The following RTF2 variants were observed in gnomAD, a reference collection of about 807,000 sequenced individuals.
The protein encoded by RTF2 is UPF0549 protein C20orf43.
Under a neutral mutation model 38.0 loss-of-function variants are expected in RTF2, and 18 were observed. The observed-to-expected ratio is 0.47, with a 90% CI of 0.33 to 0.70. The LOEUF (loss-of-function observed/expected upper bound fraction) is 0.70, where lower values mean the gene tolerates loss of function less well. RTF2 is among the 30% of genes least tolerant of loss of function. The probability of loss-of-function intolerance (pLI) is 0.02; values close to 1 mark genes in which losing one functional copy is unlikely to be tolerated. For synonymous variants in RTF2, 126 were observed against 137.1 expected (o/e 0.92, Z 0.57); for missense variants, 311 against 379.6 (o/e 0.82, Z 1.50).
chr20:56,510,500 G>A (rs547569218), intron 5 of RTF2, among the ~76,000 whole-genome samples: 3 of 152,200 alleles, frequency 2.0e-5, no homozygotes, highest in Non-Finnish European at 4.4e-5. Context: ...CCTCAGGCAG[G>A]GGAAGACAGA....
chr20:56,506,648 T>G (rs1265399182), intron 5 of RTF2, among the ~76,000 whole-genome samples: 6 of 152,216 alleles, frequency 3.9e-5, no homozygotes, highest in Non-Finnish European at 5.9e-5. Context: ...TGATAAGCAT[T>G]TTCTACATTG....
intron 5 of RTF2, among the ~76,000 whole-genome samples, chr20:56,496,437 A>G (rs1345310961): frequency 6.6e-6 from 1 of 152,184 alleles, no homozygotes; most frequent in Non-Finnish European, 1.5e-5. Context: ...AATCCCAGCT[A>G]CTGGGGAGGC....
At chr20:56,488,412 G>T (rs2146332255) in intron 5 of RTF2, among the ~76,000 whole-genome samples, 1 of 151,234 alleles carries the variant, frequency 6.6e-6, no homozygotes, top group Admixed American at 6.6e-5. Context: ...CGTAGCATTG[G>T]ACTTGCTACC....
At chr20:56,472,819 G>A (rs971672138) in intron 1 of RTF2, among the ~76,000 whole-genome samples, 8 of 152,138 alleles carry the variant, frequency 5.3e-5, no homozygotes, top group South Asian at 2.1e-4. Context: ...TTTATTTGAT[G>A]TAGTATTAAT....
chr20:56,498,081 T>G (rs1983675699), intron 5 of RTF2, among the ~76,000 whole-genome samples: 1 of 143,852 alleles, frequency 7.0e-6, no homozygotes, highest in Admixed American at 7.3e-5. Flanking sequence ...CTAATGATGT[T>G]GAGCATATTT....
chr20:56,518,264 G>A lies in RTF2; in HGVS notation c.920G>A (p.Ter307=). The change falls in exon 9 of 9, where the codon TGA becomes TAA. Residue 307 remains the stop codon, a stop_retained_variant. Coordinates refer to ENST00000357348, the MANE Select transcript of RTF2 (RefSeq NM_016407.5). ...HWVTHTSYCF[*] Reference sequence around the variant, plus strand: ...GTCACCCACACGTCCTACTGCTTCTGAAGCCCGCACTGCCACCGCTCCTGC... The same window carrying A: ...GTCACCCACACGTCCTACTGCTTCTAAAGCCCGCACTGCCACCGCTCCTGC... The A allele has an allele frequency of 6.2e-7, 1 of 1,610,434 alleles. No homozygotes were observed. Among genetic ancestry groups the A allele is most frequent in the South Asian group, 1.1e-5 (1 of 90,506 alleles).
intron 4 of RTF2, 75 bp downstream of exon 4, chr20:56,477,199 A>T: frequency 6.4e-7 from 1 of 1,553,372 alleles, no homozygotes; most frequent in Non-Finnish European, 8.8e-7. Flanking sequence ...GTGGTGCCGG[A>T]GCTTAGCAGT....
intron 1 of RTF2, among the ~76,000 whole-genome samples, chr20:56,470,170 G>A (rs139973154): frequency 0.013 from 1,976 of 152,282 alleles, 56 homozygotes; most frequent in African/African-American, 0.045. Context: ...CTGATCATAC[G>A]TACATGTAAA....
intron 4 of RTF2, among the ~76,000 whole-genome samples, chr20:56,482,146 A>G (rs186335795): frequency 1.4e-4 from 22 of 152,268 alleles, no homozygotes; most frequent in Admixed American, 1.4e-3. Flanking sequence ...TCCACACTTG[A>G]AATTGATGAT....
chr20:56,513,459 C>G (rs780190827), intron 6 of RTF2, 31 bp downstream of exon 6: 2 of 1,556,972 alleles, frequency 1.3e-6, no homozygotes, highest in African/African-American at 1.4e-5. Flanking sequence ...CCGCCCAGCC[C>G]CCATCTCTGC....
intron 4 of RTF2, among the ~76,000 whole-genome samples, chr20:56,483,368 G>T (rs1982622810): frequency 6.7e-6 from 1 of 150,234 alleles, no homozygotes; most frequent in African/African-American, 2.5e-5. Context: ...AGCGACAAGC[G>T]ACAGAATCTG....
intron 3 of RTF2, among the ~76,000 whole-genome samples, 177 bp downstream of exon 3, chr20:56,474,948 A>G (rs1478261774): frequency 3.3e-5 from 5 of 152,242 alleles, no homozygotes; most frequent in African/African-American, 7.2e-5. Context: ...GAGTTCCACC[A>G]TGCATACTTC....
intron 5 of RTF2, among the ~76,000 whole-genome samples, chr20:56,488,816 C>T (rs1381541872): frequency 1.3e-5 from 2 of 152,248 alleles, no homozygotes; most frequent in African/African-American, 4.8e-5. Context: ...TGTTCTCATG[C>T]TCACGGAAGC....
At chr20:56,495,143 G>A in intron 5 of RTF2, 1 of 1,223,780 alleles carries the variant, frequency 8.2e-7, no homozygotes. Flanking sequence ...TGAGGCAGCA[G>A]TTTTATAGTT....
At chr20:56,479,772 G>A (rs947581112) in intron 4 of RTF2, among the ~76,000 whole-genome samples, 6 of 151,770 alleles carry the variant, frequency 4.0e-5, no homozygotes, top group Non-Finnish European at 5.9e-5. Flanking sequence ...GAGCTCTTGC[G>A]TGACCTAGGT....
intron 5 of RTF2, among the ~76,000 whole-genome samples, chr20:56,502,943 G>A (rs1018240498): frequency 2.0e-5 from 3 of 152,192 alleles, no homozygotes; most frequent in Admixed American, 1.3e-4. Context: ...TCTTGACTGC[G>A]GATGTGGTGT....
chr20:56,485,816 A>T (rs2146329368), intron 5 of RTF2, among the ~76,000 whole-genome samples: 1 of 152,356 alleles, frequency 6.6e-6, no homozygotes, highest in East Asian at 1.9e-4. Flanking sequence ...TGGTTCCTGC[A>T]CTCACGGAGA....
chr20:56,507,587 A>C (rs983553142), intron 5 of RTF2, among the ~76,000 whole-genome samples: 2 of 152,238 alleles, frequency 1.3e-5, no homozygotes, highest in African/African-American at 4.8e-5. Flanking sequence ...ATGCAGAATA[A>C]GGTCCATGTC....
At chr20:56,502,279 G>A (rs762541649) in intron 5 of RTF2, among the ~76,000 whole-genome samples, 1 of 152,154 alleles carries the variant, frequency 6.6e-6, no homozygotes, top group East Asian at 1.9e-4. Flanking sequence ...TACATTTTAT[G>A]TTTTTGTCCA....
Sources: gnomAD v4.1 joint callset for allele counts (sites outside exome capture counted in the v4.1 genomes callset) on GRCh38, gnomAD v4.1.1 for gene constraint, MANE v1.5 for transcripts, NCBI Gene and HGNC (gene_info 2026-07-23, HGNC 2026-07-21) for gene names.